Variants in PDGFD observed in about 807,000 individuals in gnomAD.
PDGFD encodes platelet derived growth factor D, also known as platelet-derived growth factor D.
A neutral mutation model predicts 44.7 loss-of-function variants in PDGFD; 30 were observed. The ratio of observed to expected loss-of-function variants is 0.67; its 90% confidence interval spans 0.50 to 0.91. The LOEUF is 0.91. Among genes scored for constraint, PDGFD ranks in the 40% least tolerant of loss-of-function variants. The pLI, the probability that PDGFD is intolerant of heterozygous loss-of-function variation, is 0.00. For missense variants in PDGFD, 445 were observed against 457.8 expected (o/e 0.97, Z 0.25); for synonymous variants, 173 against 168.4 (o/e 1.03, Z -0.21).
chr11:103,969,333 G>A (rs1394920809), intron 3 of PDGFD, among the ~76,000 whole-genome samples: 5 of 152,044 alleles, frequency 3.3e-5, no homozygotes, highest in African/African-American at 9.7e-5. Context: ...TCATATAGGT[G>A]GCTTAAAGTG....
At chr11:104,094,877 C>A (rs935167287) in intron 1 of PDGFD, among the ~76,000 whole-genome samples, 1 of 152,092 alleles carries the variant, frequency 6.6e-6, no homozygotes, top group Non-Finnish European at 1.5e-5. Flanking sequence ...TCTTTCAACT[C>A]AGTTCAAAGC....
intron 1 of PDGFD, among the ~76,000 whole-genome samples, chr11:104,013,077 C>A (rs1329790370): frequency 6.6e-6 from 1 of 152,224 alleles, no homozygotes; most frequent in Non-Finnish European, 1.5e-5. Flanking sequence ...GGCAGAGGAG[C>A]AGAGCAGTAT....
At chr11:103,993,092 C>T (rs1161320721) in intron 3 of PDGFD, among the ~76,000 whole-genome samples, 1 of 151,860 alleles carries the variant, frequency 6.6e-6, no homozygotes, top group East Asian at 1.9e-4. Context: ...TGTTTTTAGA[C>T]AGGGTCTCAC....
At chr11:104,017,526 G>C (rs1486172057) in intron 1 of PDGFD, among the ~76,000 whole-genome samples, 1 of 152,030 alleles carries the variant, frequency 6.6e-6, no homozygotes, top group African/African-American at 2.4e-5. Flanking sequence ...TCACTGTTCT[G>C]CCCGATCCAA....
intron 1 of PDGFD, among the ~76,000 whole-genome samples, chr11:104,144,988 A>C (rs1054068588): frequency 6.6e-6 from 1 of 152,230 alleles, no homozygotes; most frequent in African/African-American, 2.4e-5. Flanking sequence ...AAAATGTGGA[A>C]AAGTGAAAAT....
At chr11:104,055,212 A>T (rs1415501850) in intron 1 of PDGFD, among the ~76,000 whole-genome samples, 4 of 152,222 alleles carry the variant, frequency 2.6e-5, no homozygotes, top group Non-Finnish European at 5.9e-5. Context: ...ACAGTCAGCA[A>T]GTATTTATTG....
intron 5 of PDGFD, among the ~76,000 whole-genome samples, chr11:103,929,990 A>G (rs1322606105): frequency 2.0e-5 from 3 of 152,130 alleles, no homozygotes; most frequent in South Asian, 2.1e-4. Flanking sequence ...CAGAGCATCA[A>G]GGGTGTTCCA....
At position 104,139,081 on chromosome 11, in the gene PDGFD, C is replaced by T. The variant is rs17102076; in HGVS notation, c.124+24723G>A. Among the ~76,000 whole-genome samples, 872 of 152,180 alleles carry T rather than the reference C, an allele frequency of 5.7e-3. 23 individuals carry two copies. In the East Asian group the frequency reaches 0.069, roughly 12 times the overall value. On this transcript the variant is annotated intron_variant, in intron 1 of 6. Coordinates refer to ENST00000393158, the MANE Select transcript of PDGFD (RefSeq NM_025208.5). The stretch of plus-strand genomic sequence containing the variant: ...CTGGCTGGGTACAGTAAATATTATA[C>T]GGTTTATGGTGCTTTGAATTTTTTC...
At chr11:103,938,506 C>T (rs1357551687) in intron 5 of PDGFD, among the ~76,000 whole-genome samples, 1 of 152,104 alleles carries the variant, frequency 6.6e-6, no homozygotes, top group East Asian at 1.9e-4. Context: ...CTGTAAGTTG[C>T]CTGTTCACTC....
intron 6 of PDGFD, among the ~76,000 whole-genome samples, chr11:103,924,625 T>C (rs1858275179): frequency 6.6e-6 from 1 of 152,192 alleles, no homozygotes; most frequent in Admixed American, 6.5e-5. Context: ...AAAATATCAA[T>C]TATTACATAC....
intron 6 of PDGFD, among the ~76,000 whole-genome samples, chr11:103,914,580 C>T (rs1858084291): frequency 6.6e-6 from 1 of 151,872 alleles, no homozygotes; most frequent in Admixed American, 6.6e-5. Context: ...AATGGGAATC[C>T]TCCCTAACTC....
chr11:104,009,664 G>C (rs1591119400), intron 1 of PDGFD, among the ~76,000 whole-genome samples: 1 of 151,970 alleles, frequency 6.6e-6, no homozygotes, highest in Non-Finnish European at 1.5e-5. Context: ...AGGTCAATTT[G>C]TACAACAGAC....
intron 3 of PDGFD, among the ~76,000 whole-genome samples, chr11:103,948,495 C>T (rs1180216368): frequency 6.6e-6 from 1 of 152,204 alleles, no homozygotes. Context: ...TTAATTACTA[C>T]AGCACCAGGA....
At chr11:104,049,451 T>C (rs901734267) in intron 1 of PDGFD, among the ~76,000 whole-genome samples, 2 of 152,220 alleles carry the variant, frequency 1.3e-5, no homozygotes, top group African/African-American at 4.8e-5. Context: ...GCTTTGTAGT[T>C]CTAAATAAGG....
At chr11:104,047,266 T>C (rs1039528878) in intron 1 of PDGFD, among the ~76,000 whole-genome samples, 1 of 147,534 alleles carries the variant, frequency 6.8e-6, no homozygotes. Flanking sequence ...AGTAATGGGA[T>C]TACTAGGTCA....
intron 1 of PDGFD, among the ~76,000 whole-genome samples, chr11:104,155,641 G>C (rs187228807): frequency 6.6e-6 from 1 of 152,130 alleles, no homozygotes; most frequent in Non-Finnish European, 1.5e-5. Context: ...TCTACCATAC[G>C]ATCCTTATGA....
At chr11:104,106,430 A>T (rs999721828) in intron 1 of PDGFD, among the ~76,000 whole-genome samples, 1 of 152,172 alleles carries the variant, frequency 6.6e-6, no homozygotes. Flanking sequence ...TGATAGCAAA[A>T]ACTTCTGTTT....
chr11:104,163,893 C>A lies in PDGFD; in HGVS notation c.35G>T (p.Cys12Phe). Reference protein sequence around the residue: ...HRLIFVYTLICANFCSCRDTS... With the variant: ...HRLIFVYTLIFANFCSCRDTS... The stretch of plus-strand genomic sequence containing the variant: ...GTCCCGACAGCTGCAAAAGTTTGCG[C>A]AGATTAGAGTGTAGACAAAGATGAG... Residue 12 changes from cysteine (C) to phenylalanine (F), a missense_variant, in exon 1 of 7, where the codon TGC (cysteine) becomes TTC (phenylalanine). Transcript: ENST00000393158. The A allele has an allele frequency of 1.3e-6, 2 of 1,568,382 alleles. No homozygotes were observed. Among genetic ancestry groups the A allele is most frequent in the Admixed American group, 1.7e-5 (1 of 58,492 alleles).
intron 1 of PDGFD, among the ~76,000 whole-genome samples, chr11:104,087,021 C>T (rs201087076): frequency 1.6e-4 from 16 of 103,208 alleles, no homozygotes; most frequent in Admixed American, 5.0e-4. Flanking sequence ...GGCTCTTAGT[C>T]TTTTTTTTTT....
Sources: gnomAD v4.1 joint callset for allele counts (sites outside exome capture counted in the v4.1 genomes callset) on GRCh38, gnomAD v4.1.1 for gene constraint, MANE v1.5 for transcripts, NCBI Gene and HGNC (gene_info 2026-07-23, HGNC 2026-07-21) for gene names.